Variants in BICC1 observed in about 807,000 individuals in gnomAD.
BICC1 encodes the protein protein bicaudal C homolog 1.
In BICC1, 43 loss-of-function variants were observed where a neutral mutation model predicts 111.0. That is an observed-to-expected ratio of 0.39 (90% confidence interval 0.30 to 0.50). The LOEUF (loss-of-function observed/expected upper bound fraction) is 0.50. Among genes scored for constraint, BICC1 ranks in the 20% least tolerant of loss-of-function variants. BICC1 has a pLI of 0.88. For missense variants in BICC1, 1,091 were observed against 1,203.2 expected (o/e 0.91, Z 1.38); for synonymous variants, 467 against 434.4 (o/e 1.07, Z -0.93).
intron 2 of BICC1, among the ~76,000 whole-genome samples, chr10:58,645,268 G>T (rs1394877416): frequency 6.6e-6 from 1 of 152,044 alleles, no homozygotes; most frequent in Non-Finnish European, 1.5e-5. Context: ...AATTAGCTGG[G>T]TGTGGTGGTG....
intron 2 of BICC1, among the ~76,000 whole-genome samples, chr10:58,670,299 G>T (rs1429244979): frequency 6.6e-6 from 1 of 151,976 alleles, no homozygotes; most frequent in Non-Finnish European, 1.5e-5. Flanking sequence ...CTTTTTTGGG[G>T]GTGGTTGTTG....
chr10:58,674,636 T>G (rs1839285119), intron 2 of BICC1, among the ~76,000 whole-genome samples: 1 of 152,186 alleles, frequency 6.6e-6, no homozygotes, highest in Non-Finnish European at 1.5e-5. Context: ...AGAGTAGTAA[T>G]ACATCATAAC....
At chr10:58,675,406 GTA>G (rs905112508) in intron 2 of BICC1, among the ~76,000 whole-genome samples, 4 of 151,760 alleles carry the variant, frequency 2.6e-5, no homozygotes, top group Non-Finnish European at 2.9e-5. Context: ...AGAAATTGTG[GTA>G]TATATATATA....
At chr10:58,599,929 G>GGTAT (rs1844971046) in intron 1 of BICC1, among the ~76,000 whole-genome samples, 1 of 149,784 alleles carries the variant, frequency 6.7e-6, no homozygotes, top group African/African-American at 2.5e-5. Flanking sequence ...AACTAAAGAG[G>GGTAT]GTGTGTGTGT....
chr10:58,560,221 T>TTATTTATTATTTATTA (rs763285412), intron 1 of BICC1, among the ~76,000 whole-genome samples: 6 of 152,108 alleles, frequency 3.9e-5, no homozygotes, highest in Non-Finnish European at 8.8e-5. Flanking sequence ...GGAGACTTTA[T>TTATTTATTATTTATTA]TACTGACTCA....
At chr10:58,552,526 G>T (rs1263276332) in intron 1 of BICC1, among the ~76,000 whole-genome samples, 1 of 151,916 alleles carries the variant, frequency 6.6e-6, no homozygotes, top group African/African-American at 2.4e-5. Context: ...TAGAAGAGAT[G>T]GGGTTTCACC....
At chr10:58,754,770 G>GTGTC (rs968432080) in intron 3 of BICC1, among the ~76,000 whole-genome samples, 5 of 151,722 alleles carry the variant, frequency 3.3e-5, no homozygotes, top group Non-Finnish European at 7.4e-5. Flanking sequence ...ATGTGTGTGT[G>GTGTC]TGTGTGTGTG....
chr10:58,682,760 C>A (rs949469317), intron 2 of BICC1, among the ~76,000 whole-genome samples: 2 of 152,120 alleles, frequency 1.3e-5, no homozygotes, highest in Non-Finnish European at 2.9e-5. Flanking sequence ...TGTTGAAGTT[C>A]TTTGTAGATT....
At chr10:58,733,804 A>G (rs890387252) in intron 3 of BICC1, among the ~76,000 whole-genome samples, 4 of 152,230 alleles carry the variant, frequency 2.6e-5, no homozygotes, top group Admixed American at 1.3e-4. Flanking sequence ...TCTTTCTGAT[A>G]TAAGTCTCTT....
intron 3 of BICC1, among the ~76,000 whole-genome samples, chr10:58,736,270 A>G (rs1405794053): frequency 6.6e-6 from 1 of 152,220 alleles, no homozygotes; most frequent in Non-Finnish European, 1.5e-5. Flanking sequence ...ATGCAGTGGG[A>G]TATACCACCT....
At chr10:58,669,498 A>C (rs1206584318) in intron 2 of BICC1, among the ~76,000 whole-genome samples, 1 of 152,104 alleles carries the variant, frequency 6.6e-6, no homozygotes, top group East Asian at 1.9e-4. Context: ...CTTTTAATAA[A>C]TTGTAGTTGC....
chr10:58,528,903 C>G lies in BICC1; in HGVS notation c.190+15570C>G, dbSNP rs189008248. ...GGATTTGCCTTGATCTTTACCACAC[C>G]TGAGCATTCACAGCAAATGGGAAAT... On this transcript the variant is annotated intron_variant, in intron 1 of 20. Transcript: ENST00000373886. Among the ~76,000 whole-genome samples the G allele has an allele frequency of 6.6e-5, 10 of 151,996 alleles. No homozygotes were observed. The East Asian group carries it at 1.9e-3, about 30-fold the overall frequency.
chr10:58,672,658 G>C (rs184759033), intron 2 of BICC1, among the ~76,000 whole-genome samples: 1 of 152,060 alleles, frequency 6.6e-6, no homozygotes, highest in South Asian at 2.1e-4. Flanking sequence ...ACAAGAGCAG[G>C]GACCAAGGCT....
In BICC1 at chr10:58,788,377, T is replaced by A. The variant is rs751710629; in HGVS notation, c.554T>A (p.Ile185Lys). The change falls in exon 6 of 21, where the codon ATA (isoleucine) becomes AAA (lysine). Residue 185 changes from isoleucine to lysine, a missense_variant. Around this residue, in one of 3 missense-constraint regions of BICC1, gnomAD observed 843 missense variants for 900.8 expected, o/e 0.94. Coordinates refer to ENST00000373886, the MANE Select transcript of BICC1 (RefSeq NM_001080512.3). ...ATTTTCCTCCTCTTATAGGTATCTA[T>A]AGCGGGACAACCAGCAGGAGTAGAA... Reference protein sequence around the residue: ...NQAEKSNQVSIAGQPAGVESA... With the variant: ...NQAEKSNQVSKAGQPAGVESA... 6.2e-7 allele frequency: 1 copy of A among 1,609,054 alleles called. No homozygotes were observed. Among genetic ancestry groups the A allele is most frequent in the Non-Finnish European group, 8.5e-7 (1 of 1,175,554 alleles).
intron 2 of BICC1, among the ~76,000 whole-genome samples, chr10:58,690,147 C>T (rs1839869278): frequency 6.6e-6 from 1 of 152,176 alleles, no homozygotes; most frequent in African/African-American, 2.4e-5. Flanking sequence ...TACATACACA[C>T]ACCCCCTTCC....
At chr10:58,786,854 G>A (rs1324222209) in intron 4 of BICC1, 69 bp from the exon 5 acceptor site, 8 of 1,254,952 alleles carry the variant, frequency 6.4e-6, no homozygotes, top group Non-Finnish European at 8.4e-6. Flanking sequence ...TTCCCTTGAG[G>A]GAAAGACATT....
In BICC1 at chr10:58,798,405, T is replaced by C; in HGVS notation, c.1373T>C (p.Leu458Ser). Residue 458 changes from leucine to serine, a missense_variant, in exon 11 of 21, where the codon TTG (leucine) becomes TCG (serine). Around this residue, in one of 3 missense-constraint regions of BICC1, gnomAD observed 843 missense variants for 900.8 expected, o/e 0.94. Transcript: ENST00000373886. ...AGLGLTGLGL[L>S]GPTTLSLNTS... ...ATATATTCATTTATTACAGGTCTTT[T>C]GGGACCCACCACCTTATCTCTGAAC... is the stretch of plus-strand genomic sequence containing the variant. 1 of 1,572,386 alleles carries C rather than the reference T, an allele frequency of 6.4e-7. No individual in the cohort carries two copies. Among genetic ancestry groups the C allele is most frequent in the Non-Finnish European group, 8.6e-7 (1 of 1,163,736 alleles).
intron 2 of BICC1, among the ~76,000 whole-genome samples, chr10:58,637,325 G>T (rs1837980921): frequency 6.6e-6 from 1 of 152,162 alleles, no homozygotes; most frequent in South Asian, 2.1e-4. Context: ...AAACTGATAG[G>T]CTGTGGTTAG....
intron 1 of BICC1, among the ~76,000 whole-genome samples, chr10:58,553,548 A>G (rs1843358161): frequency 6.6e-6 from 1 of 152,162 alleles, no homozygotes; most frequent in Non-Finnish European, 1.5e-5. Flanking sequence ...AAACTGTAAG[A>G]CAATAAATTT....
Sources: gnomAD v4.1 joint callset for allele counts (sites outside exome capture counted in the v4.1 genomes callset) on GRCh38, gnomAD v4.1.1 for gene constraint, gnomAD v4.1.1 regional missense constraint, MANE v1.5 for transcripts, NCBI Gene and HGNC (gene_info 2026-07-23, HGNC 2026-07-21) for gene names.